The following ASPH variants were observed in gnomAD, a reference collection of about 807,000 sequenced individuals.
The protein encoded by ASPH is aspartate beta-hydroxylase.
In ASPH, 100 loss-of-function variants were observed where a neutral mutation model predicts 118.4. The ratio of observed to expected loss-of-function variants is 0.84; its 90% CI spans 0.72 to 1.00. The LOEUF is 1.00. ASPH is among the 50% of genes least tolerant of loss of function. The pLI is 0.00. For synonymous variants in ASPH, 315 were observed against 325.6 expected, an observed-to-expected ratio of 0.97 and a Z score of 0.35; for missense variants, 920 against 919.5, an observed-to-expected ratio of 1.00 and a Z score of -0.01.
At chr8:61,506,066 C>T (rs1296209517) in intron 24 of ASPH, among the ~76,000 whole-genome samples, 1 of 152,158 alleles carries the variant, frequency 6.6e-6, no homozygotes, top group Non-Finnish European at 1.5e-5. Context: ...AAGGTGAGAG[C>T]CACCCACGTA....
chr8:61,710,909 A>T (rs1837914948), intron 1 of ASPH, among the ~76,000 whole-genome samples: 1 of 152,202 alleles, frequency 6.6e-6, no homozygotes, highest in Non-Finnish European at 1.5e-5. Context: ...ACAAATACTC[A>T]TCAAATGAAG....
At chr8:61,579,799 C>T in intron 15 of ASPH, 1 of 726,420 alleles carries the variant, frequency 1.4e-6, no homozygotes, top group Non-Finnish European at 2.5e-6. Flanking sequence ...CCTCAGCCCA[C>T]CTGGGGAGTT....
rs774561119 is a variant in ASPH at position 61,518,078 on chromosome 8, G to A, written c.1946C>T (p.Thr649Ile). ...TGTCTCGGGGAACTTTTCTAGTAAG[G>A]TACAGGTTTTAGGAGCTCCTTTGCA... is the stretch of plus-strand genomic sequence containing the variant. ...NACKGAPKTC[T>I]LLEKFPETTG... Residue 649 changes from threonine to isoleucine, a missense_variant, in exon 23 of 25, where the codon ACC becomes ATC. Coordinates refer to ENST00000379454, the MANE Select transcript of ASPH (RefSeq NM_004318.4). 2.2e-5 allele frequency: 35 copies of A among 1,613,888 alleles called. No homozygotes were observed. Among genetic ancestry groups the A allele is most frequent in the Non-Finnish European group, 2.8e-5 (33 of 1,179,886 alleles).
chr8:61,549,410 G>A (rs1825064875), intron 20 of ASPH, among the ~76,000 whole-genome samples: 1 of 152,042 alleles, frequency 6.6e-6, no homozygotes, highest in Admixed American at 6.5e-5. Context: ...AGCATTTGGG[G>A]CTCCTGGCAA....
At chr8:61,683,959 G>A in intron 2 of ASPH, 80 bp downstream of exon 2, 1 of 1,490,070 alleles carries the variant, frequency 6.7e-7, no homozygotes, top group Non-Finnish European at 9.2e-7. Flanking sequence ...GTACCAGAAA[G>A]ATGATAACAA....
chr8:61,636,802 G>A (rs778503039), intron 12 of ASPH, among the ~76,000 whole-genome samples: 1 of 152,070 alleles, frequency 6.6e-6, no homozygotes, highest in Non-Finnish European at 1.5e-5. Flanking sequence ...TAAACATATA[G>A]ACTCAGTAAT....
At chr8:61,563,591 T>G (rs947625233) in intron 17 of ASPH, among the ~76,000 whole-genome samples, 1 of 152,224 alleles carries the variant, frequency 6.6e-6, no homozygotes, top group Non-Finnish European at 1.5e-5. Context: ...AGGAGAGTGA[T>G]GGGAGTGTCA....
chr8:61,655,646 G>A (rs1251312066), intron 3 of ASPH, among the ~76,000 whole-genome samples: 5 of 152,070 alleles, frequency 3.3e-5, no homozygotes, highest in East Asian at 1.9e-4. Context: ...CCAACATTCC[G>A]ACATACAATG....
rs1238193351 is a variant in ASPH at position 61,633,720 on chromosome 8, G to A, written c.897C>T (p.Ser299=). The A allele has an allele frequency of 6.3e-7, 1 of 1,595,984 alleles. No individual in the cohort carries two copies. The highest frequency in any genetic ancestry group is 1.1e-5 in the South Asian group (1 of 87,182). ...CCTGCTGTTCTTCCACAGGAAAAAT[G>A]CTTACTTCTAAAATAAATAATAAAG... is the stretch of plus-strand genomic sequence containing the variant. ...EDSQVIVEEV[S]IFPVEEQQEV... is the part of the protein sequence containing the mutation. Residue 299 remains serine (S), a synonymous_variant, in exon 13 of 25, where the codon AGC becomes AGT. Coordinates refer to ENST00000379454, the MANE Select transcript of ASPH (RefSeq NM_004318.4).
chr8:61,694,149 C>G (rs924657281), intron 1 of ASPH, among the ~76,000 whole-genome samples: 1 of 152,156 alleles, frequency 6.6e-6, no homozygotes, highest in Admixed American at 6.5e-5. Flanking sequence ...ACAGAGAAAA[C>G]AGAACCCTCA....
intron 15 of ASPH, chr8:61,579,061 T>A: frequency 6.2e-7 from 1 of 1,611,038 alleles, no homozygotes; most frequent in Admixed American, 1.7e-5. Context: ...GCTGAGAGCA[T>A]GTACCAGATC....
intron 11 of ASPH, 103 bp from the exon 12 acceptor site, chr8:61,638,106 C>T (rs2150885568): frequency 1.6e-6 from 2 of 1,267,570 alleles, no homozygotes; most frequent in Admixed American, 2.6e-5. Flanking sequence ...CTCGTGTCCA[C>T]TCAGATTGCT....
chr8:61,550,812 G>T (rs973591920), intron 20 of ASPH, among the ~76,000 whole-genome samples: 7 of 152,224 alleles, frequency 4.6e-5, no homozygotes, highest in African/African-American at 1.7e-4. Context: ...TGAGGACGCA[G>T]TTGACAAAGA....
intron 3 of ASPH, 82 bp downstream of exon 3, chr8:61,680,886 T>C (rs1421235111): frequency 1.7e-6 from 2 of 1,204,318 alleles, no homozygotes; most frequent in East Asian, 2.4e-5. Flanking sequence ...ATATATACTA[T>C]TGAGATAGAT....
intron 12 of ASPH, among the ~76,000 whole-genome samples, chr8:61,634,116 A>T (rs554930652): frequency 6.6e-6 from 1 of 152,334 alleles, no homozygotes; most frequent in African/African-American, 2.4e-5. Context: ...TCCTTCATGA[A>T]GTTGTTTTAG....
chr8:61,555,518 T>G (rs945105613), intron 19 of ASPH, among the ~76,000 whole-genome samples: 1 of 152,106 alleles, frequency 6.6e-6, no homozygotes, highest in Non-Finnish European at 1.5e-5. Flanking sequence ...GGTCTCGAAC[T>G]CCTGACCTCA....
At chr8:61,679,681 A>G (rs1041774459) in intron 3 of ASPH, among the ~76,000 whole-genome samples, 3 of 151,944 alleles carry the variant, frequency 2.0e-5, no homozygotes, top group African/African-American at 7.2e-5. Context: ...GCTATTCAGA[A>G]TGTGTCATTT....
At chr8:61,577,043 A>G (rs985612466) in intron 15 of ASPH, among the ~76,000 whole-genome samples, 185 bp from the exon 16 acceptor site, 10 of 152,162 alleles carry the variant, frequency 6.6e-5, no homozygotes, top group African/African-American at 2.2e-4. Flanking sequence ...AGTAATGAAC[A>G]CATATTTACT....
Position 61,567,278 on chromosome 8 carries a change from A to G in ASPH, c.1190T>C (p.Val397Ala). ...DLAEKRRSNE[V>A]LRGAIETYQE... Reference sequence around the variant, plus strand: ...GTAGGTCTCGATGGCTCCACGTAGCACCTCATTACTTCTCCTCTTCTCAGC... The same window carrying G: ...GTAGGTCTCGATGGCTCCACGTAGCGCCTCATTACTTCTCCTCTTCTCAGC... The change falls in exon 17 of 25, where the codon GTG becomes GCG. Residue 397 changes from valine (V) to alanine (A), a missense_variant. Val to Ala is a moderately conservative substitution (Grantham distance 64, BLOSUM62 0). Transcript: ENST00000379454. The G allele has an allele frequency of 6.2e-7, 1 of 1,613,906 alleles. No homozygotes were observed.
Sources: allele counts gnomAD v4.1 joint callset (sites outside exome capture counted in the v4.1 genomes callset), GRCh38; gene constraint gnomAD v4.1.1; transcripts MANE v1.5; gene names NCBI Gene and HGNC (gene_info 2026-07-23, HGNC 2026-07-21).